BARX2: variants seen among roughly 807,000 people sequenced by gnomAD.
BARX2 encodes BARX homeobox 2, also known as homeobox protein BarH-like 2.
Under a neutral mutation model 25.5 loss-of-function variants are expected in BARX2, and 11 were observed. The ratio of observed to expected loss-of-function variants is 0.43; its 90% CI spans 0.27 to 0.71. BARX2 has a LOEUF of 0.71. Among genes scored for constraint, BARX2 ranks in the 30% least tolerant of loss-of-function variants. The probability of loss-of-function intolerance (pLI) is 0.19; values close to 1 mark genes in which losing one functional copy is unlikely to be tolerated. For missense variants in BARX2, 360 were observed against 359.9 expected, an observed-to-expected ratio of 1.00 and a Z score of 0.00; for synonymous variants, 137 against 149.5, an observed-to-expected ratio of 0.92 and a Z score of 0.61.
intron 1 of BARX2, among the ~76,000 whole-genome samples, chr11:129,416,438 A>G (rs1861943554): frequency 6.6e-6 from 1 of 152,204 alleles, no homozygotes; most frequent in Non-Finnish European, 1.5e-5. Context: ...TTTCCCAGAA[A>G]TTTCTCAGGA....
rs1381726269 is a variant in BARX2, at chr11:129,382,425, C to T, written c.187+6203C>T. ...AACTTCTGACCTCAGGTGATCTGCC[C>T]GCTTTGGCCTCCTGAAGTGCTGGGA... On this transcript the variant is annotated intron_variant, in intron 1 of 3. Coordinates refer to ENST00000281437, the MANE Select transcript of BARX2 (RefSeq NM_003658.5). Among the ~76,000 whole-genome samples the T allele has an allele frequency of 5.9e-5, 9 of 152,254 alleles. No homozygotes were observed. In the East Asian group the frequency reaches 7.7e-4, roughly 13 times the overall value.
At chr11:129,375,541 C>T (rs780533626), upstream of BARX2, among the ~76,000 whole-genome samples, 4 of 152,062 alleles carry the variant, frequency 2.6e-5, no homozygotes, top group African/African-American at 9.7e-5. This position sits in a 1 kb window ranked among gnomAD's most constrained non-coding sequence, Gnocchi z 4.0. Flanking sequence ...GGTGCGCGCT[C>T]CCCGCACCGC....
At chr11:129,449,881 A>C (rs538954553) in intron 3 of BARX2, among the ~76,000 whole-genome samples, 1 of 152,324 alleles carries the variant, frequency 6.6e-6, no homozygotes, top group Admixed American at 6.5e-5. Flanking sequence ...CTCCTAGGGC[A>C]CACGGCAGAG....
chr11:129,389,440 A>G (rs1471231284), intron 1 of BARX2, among the ~76,000 whole-genome samples: 2 of 152,214 alleles, frequency 1.3e-5, no homozygotes, highest in African/African-American at 2.4e-5. Context: ...TGAATTAGGT[A>G]TGTTTCATTC....
At position 129,452,030 on chromosome 11, in the gene BARX2, GTTTTT is replaced by G. The variant is rs144334162; in HGVS notation, c.*634_*638del. Reference sequence around the variant, plus strand: ...AAGACCCAAGAACTGATAAGCTTTGGTTTTTTTTTTGTTTTGTTTTGTTTTTTGCT... The same window carrying G: ...AAGACCCAAGAACTGATAAGCTTTGGTTTTTGTTTTGTTTTGTTTTTTGCT... On this transcript the variant is annotated 3_prime_UTR_variant, in exon 4 of 4. Coordinates refer to ENST00000281437, the MANE Select transcript of BARX2 (RefSeq NM_003658.5). The G allele has an allele frequency of 2.0e-5, 3 of 146,778 alleles. No homozygotes were observed. Among genetic ancestry groups the G allele is most frequent in the African/African-American group, 5.0e-5 (2 of 40,016 alleles). 9.1% of individuals were successfully genotyped at this position (146,778 alleles called of 1,614,324 possible). A position where few individuals can be genotyped will look rare whatever the true frequency, so the allele number is the denominator to read the frequency against.
chr11:129,420,191 G>A (rs59987133), intron 1 of BARX2, among the ~76,000 whole-genome samples: 9,639 of 151,976 alleles, frequency 0.063, 960 homozygotes, highest in African/African-American at 0.22. Context: ...TCCTAAACAT[G>A]TATTAGCCAA....
At chr11:129,439,956 C>A (rs1248286692) in intron 2 of BARX2, among the ~76,000 whole-genome samples, 1 of 152,006 alleles carries the variant, frequency 6.6e-6, no homozygotes, top group East Asian at 1.9e-4. Context: ...CCTCCTGGGG[C>A]TCCCTGATAC....
chr11:129,408,983 A>G (rs11823565), intron 1 of BARX2, among the ~76,000 whole-genome samples: 43,182 of 151,990 alleles, frequency 0.28, 6,717 homozygotes, highest in African/African-American at 0.41. Context: ...TGTTGCCCTC[A>G]AACTAATCAA....
chr11:129,398,233 C>G (rs1044348860), intron 1 of BARX2, among the ~76,000 whole-genome samples: 1 of 152,180 alleles, frequency 6.6e-6, no homozygotes, highest in East Asian at 1.9e-4. Context: ...GTTTTCTTCT[C>G]TTCATCATTG....
intron 1 of BARX2, among the ~76,000 whole-genome samples, chr11:129,378,034 A>G (rs140676343): frequency 3.5e-4 from 54 of 152,336 alleles, no homozygotes; most frequent in African/African-American, 1.2e-3. Flanking sequence ...AATGATTCAT[A>G]TGTAGTTTTG....
intron 1 of BARX2, among the ~76,000 whole-genome samples, chr11:129,401,320 G>A (rs1417924697): frequency 1.3e-5 from 2 of 152,150 alleles, no homozygotes; most frequent in Non-Finnish European, 2.9e-5. Flanking sequence ...CTGTTTTTTA[G>A]CTTAAAGCAA....
chr11:129,440,868 G>A (rs1451457879), intron 2 of BARX2, among the ~76,000 whole-genome samples: 2 of 152,184 alleles, frequency 1.3e-5, no homozygotes, highest in Non-Finnish European at 2.9e-5. Context: ...CTGTGGGCCC[G>A]AGATTCACAG....
chr11:129,442,483 T>G (rs1862273266), intron 2 of BARX2, among the ~76,000 whole-genome samples: 1 of 152,216 alleles, frequency 6.6e-6, no homozygotes, highest in Non-Finnish European at 1.5e-5. Flanking sequence ...GTTTCCAGTC[T>G]GGACGATGGG....
chr11:129,447,371 G>T (rs1357786919), intron 3 of BARX2, among the ~76,000 whole-genome samples: 2 of 152,198 alleles, frequency 1.3e-5, no homozygotes, highest in Non-Finnish European at 2.9e-5. Flanking sequence ...GTGTTCTTCC[G>T]AGAGGCAGAA....
intron 1 of BARX2, among the ~76,000 whole-genome samples, chr11:129,415,585 T>C (rs1861936062): frequency 6.6e-6 from 1 of 152,212 alleles, no homozygotes; most frequent in South Asian, 2.1e-4. Context: ...CATCAGATGC[T>C]TGCAAACCAT....
chr11:129,395,201 A>G (rs189303368), intron 1 of BARX2, among the ~76,000 whole-genome samples: 1 of 152,316 alleles, frequency 6.6e-6, no homozygotes, highest in East Asian at 1.9e-4. Context: ...TTGGGATTTG[A>G]TTTTTAAAAT....
intron 3 of BARX2, among the ~76,000 whole-genome samples, chr11:129,446,847 C>T (rs1591450585): frequency 1.3e-5 from 2 of 152,282 alleles, no homozygotes; most frequent in Non-Finnish European, 2.9e-5. Flanking sequence ...GGAATCCAAA[C>T]TTGTTTCTCA....
chr11:129,446,583 C>T (rs1862332417), intron 3 of BARX2, among the ~76,000 whole-genome samples: 1 of 152,164 alleles, frequency 6.6e-6, no homozygotes, highest in African/African-American at 2.4e-5. Flanking sequence ...TATTACCTAG[C>T]CACAAAATCC....
intron 1 of BARX2, among the ~76,000 whole-genome samples, chr11:129,406,327 A>G (rs1221934635): frequency 6.6e-6 from 1 of 152,244 alleles, no homozygotes; most frequent in Non-Finnish European, 1.5e-5. Context: ...AAAATGGCTC[A>G]AAGAGATTAA....
Sources: gnomAD v4.1 joint callset for allele counts (sites outside exome capture counted in the v4.1 genomes callset) on GRCh38, gnomAD v4.1.1 for gene constraint, Gnocchi (gnomAD v3.1) non-coding constraint, MANE v1.5 for transcripts, NCBI Gene and HGNC (gene_info 2026-07-23, HGNC 2026-07-21) for gene names.